GLRA2: variants seen among roughly 807,000 people sequenced by gnomAD.
GLRA2 encodes the protein glycine receptor subunit alpha-2.
A neutral mutation model predicts 31.6 loss-of-function variants in GLRA2; 11 were observed. That is an observed-to-expected ratio of 0.35 (90% confidence interval 0.22 to 0.58). GLRA2 has a LOEUF of 0.58. GLRA2 is among the 20% of genes least tolerant of loss of function. GLRA2 has a pLI of 0.84. For missense variants in GLRA2, 212 were observed against 351.8 expected (o/e 0.60, Z 3.18); for synonymous variants, 132 against 134.0 (o/e 0.99, Z 0.10).
intron 7 of GLRA2, among the ~76,000 whole-genome samples, chrX:14,687,287 G>A (rs190363562): frequency 4.5e-4 from 50 of 111,437 alleles, no homozygotes; most frequent in South Asian, 1.5e-3. Context: ...CTGTCTTGGC[G>A]TTGCTCTTCT....
At chrX:14,536,677 CAGA>C (rs1466389061) in intron 2 of GLRA2, among the ~76,000 whole-genome samples, 1 of 111,364 alleles carries the variant, frequency 9.0e-6, no homozygotes, top group Non-Finnish European at 1.9e-5. Context: ...ACCTTCCTCA[CAGA>C]AGAATTCTTA....
chrX:14,672,041 A>G (rs1035927484), intron 7 of GLRA2, among the ~76,000 whole-genome samples: 2 of 112,092 alleles, frequency 1.8e-5, no homozygotes, highest in Admixed American at 9.5e-5. Context: ...AGAATCTTAG[A>G]ATAGCAGAAC....
intron 3 of GLRA2, among the ~76,000 whole-genome samples, chrX:14,576,719 A>G (rs1470865804): frequency 8.9e-6 from 1 of 112,414 alleles, no homozygotes; most frequent in Non-Finnish European, 1.9e-5. Flanking sequence ...ACAGCTACTG[A>G]AAGTTTAATA....
In GLRA2 at chrX:14,541,616, G is replaced by A. The variant is rs193032140; in HGVS notation, c.202+9244G>A. On this transcript the variant is annotated intron_variant, in intron 2 of 8. Transcript: ENST00000218075. ...TTTATCAGGCTTTCTATTAGAAAAA[G>A]CATTTTGCCCATTTCCCACCACCCA... 3.1e-3 allele frequency among the ~76,000 whole-genome samples: 341 copies of A among 111,197 alleles called. 2 individuals carry two copies. The highest frequency in any genetic ancestry group is 4.6e-3 in the Middle Eastern group (1 of 216).
intron 8 of GLRA2, among the ~76,000 whole-genome samples, chrX:14,713,925 ATTG>A (rs1053153701): frequency 9.0e-6 from 1 of 111,216 alleles, no homozygotes; most frequent in African/African-American, 3.3e-5. Flanking sequence ...AATAGACACT[ATTG>A]TTGGGAGGAC....
intron 8 of GLRA2, among the ~76,000 whole-genome samples, chrX:14,701,597 C>A (rs2091542135): frequency 9.0e-6 from 1 of 110,791 alleles, no homozygotes; most frequent in African/African-American, 3.3e-5. Context: ...AAGGGGGATA[C>A]TGTAAAGAAG....
At chrX:14,537,815 A>G (rs777490762) in intron 2 of GLRA2, among the ~76,000 whole-genome samples, 6 of 109,766 alleles carry the variant, frequency 5.5e-5, no homozygotes, top group African/African-American at 2.0e-4. Flanking sequence ...GAAATAAAAT[A>G]TTGTTTCCTT....
intron 7 of GLRA2, among the ~76,000 whole-genome samples, chrX:14,619,437 A>T (rs2090491082): frequency 9.2e-6 from 1 of 109,148 alleles, no homozygotes; most frequent in African/African-American, 3.3e-5. Context: ...CCACTAACCT[A>T]CCCCCTAGCT....
At chrX:14,682,456 C>T (rs924575823) in intron 7 of GLRA2, among the ~76,000 whole-genome samples, 1 of 110,900 alleles carries the variant, frequency 9.0e-6, no homozygotes, top group Admixed American at 9.6e-5. Flanking sequence ...TTGTCTCTTC[C>T]AAAATTTATC....
chrX:14,687,977 T>C (rs1309609817), intron 7 of GLRA2, among the ~76,000 whole-genome samples: 1 of 112,434 alleles, frequency 8.9e-6, no homozygotes, highest in Non-Finnish European at 1.9e-5. Context: ...AGATGGGGTT[T>C]TGGTGTGGAT....
chrX:14,479,114 GA>G, the GLRA2 span, among the ~76,000 whole-genome samples: 58 of 100,177 alleles, frequency 5.8e-4, no homozygotes, highest in African/African-American at 1.1e-3. Flanking sequence ...GGCATGCAGA[GA>G]AAAAAAAAAA....
At chrX:14,456,147 A>AT in the GLRA2 span, among the ~76,000 whole-genome samples, 3 of 111,155 alleles carry the variant, frequency 2.7e-5, no homozygotes, top group Non-Finnish European at 3.8e-5. Context: ...AGAATTTTAA[A>AT]TTTTTTTCCA....
chrX:14,691,294 T>A (rs1284606059), intron 8 of GLRA2, among the ~76,000 whole-genome samples: 6 of 103,457 alleles, frequency 5.8e-5, no homozygotes, highest in African/African-American at 1.9e-4. Flanking sequence ...TGTGTGTGTG[T>A]GTGTGTGTGT....
rs149225437 is a variant in GLRA2 at position 14,606,015 on chromosome X, A to AT, written c.578-1103dup. Among the ~76,000 whole-genome samples the AT allele has an allele frequency of 3.8e-3, 384 of 101,060 alleles. 2 individuals are homozygous for AT. Among genetic ancestry groups the AT allele is most frequent in the East Asian group, 0.036 (115 of 3,227 alleles). 87.8% of individuals were successfully genotyped at this position (101,060 alleles called of 115,157 possible). ...TCTCCTTGCTTTCCATGTTCTTATTATTTTTTTTTTTTTGGCTTTATGTTG... is the reference window on the plus strand; with the variant it reads ...TCTCCTTGCTTTCCATGTTCTTATTATTTTTTTTTTTTTTGGCTTTATGTTG... On this transcript the variant is annotated intron_variant, in intron 5 of 8. Coordinates refer to ENST00000218075, the MANE Select transcript of GLRA2 (RefSeq NM_002063.4).
chrX:14,459,256 T>C, the GLRA2 span, among the ~76,000 whole-genome samples: 2 of 112,029 alleles, frequency 1.8e-5, no homozygotes, highest in South Asian at 7.4e-4. Flanking sequence ...ACCAGTACCA[T>C]GCTGTTTTGG....
chrX:14,701,919 A>C (rs1342971084), intron 8 of GLRA2, among the ~76,000 whole-genome samples: 1 of 112,120 alleles, frequency 8.9e-6, no homozygotes, highest in African/African-American at 3.2e-5. Context: ...AGGCTCAGAC[A>C]AATATTTCAG....
chrX:14,570,928 G>A (rs759307670), intron 2 of GLRA2, among the ~76,000 whole-genome samples: 2 of 111,100 alleles, frequency 1.8e-5, no homozygotes, highest in Admixed American at 1.9e-4. Context: ...TACATTTAAA[G>A]TATGCCAGAT....
At chrX:14,618,645 G>A (rs1004866537) in intron 7 of GLRA2, among the ~76,000 whole-genome samples, 2 of 111,816 alleles carry the variant, frequency 1.8e-5, no homozygotes, top group Admixed American at 1.9e-4. Context: ...GCATGACTGG[G>A]TTCTCTGCCC....
chrX:14,551,255 C>T (rs775763259), intron 2 of GLRA2, among the ~76,000 whole-genome samples: 94 of 111,755 alleles, frequency 8.4e-4, no homozygotes, highest in Non-Finnish European at 1.6e-3. Flanking sequence ...ATACACCAAG[C>T]CTATAATCAT....
Sources: allele counts gnomAD v4.1 joint callset (sites outside exome capture counted in the v4.1 genomes callset), GRCh38; gene constraint gnomAD v4.1.1; transcripts MANE v1.5; gene names NCBI Gene and HGNC (gene_info 2026-07-23, HGNC 2026-07-21).